The following UST variants were observed in gnomAD, a reference collection of about 807,000 sequenced individuals.
The protein encoded by UST is uronyl 2-sulfotransferase.
UST carries 21 observed loss-of-function variants against 45.6 expected under a neutral mutation model. That is an observed-to-expected ratio of 0.46 (90% CI 0.33 to 0.66). UST has a LOEUF of 0.66. Ranked by LOEUF, UST falls within the 30% of genes least tolerant of loss-of-function variation. UST has a pLI of 0.02. For synonymous variants in UST, 215 were observed against 200.6 expected, an observed-to-expected ratio of 1.07 and a Z score of -0.61; for missense variants, 463 against 512.4, an observed-to-expected ratio of 0.90 and a Z score of 0.93.
intron 1 of UST, among the ~76,000 whole-genome samples, chr6:148,799,589 A>G (rs1316379573): frequency 3.9e-5 from 6 of 152,060 alleles, no homozygotes. Context: ...AGAGTGTTCT[A>G]GTTTGCCTTT....
At chr6:148,947,624 C>T (rs1283611613) in intron 3 of UST, among the ~76,000 whole-genome samples, 1 of 152,212 alleles carries the variant, frequency 6.6e-6, no homozygotes, top group South Asian at 2.1e-4. Context: ...CCATGCGTCC[C>T]TGAAGATTTA....
In UST at chr6:148,767,827, C is replaced by T. The variant is rs143586295; in HGVS notation, c.247+20150C>T. Among the ~76,000 whole-genome samples, 865 of 152,242 alleles carry T rather than the reference C, an allele frequency of 5.7e-3. 10 individuals carry two copies. The highest frequency in any genetic ancestry group is 0.02 in the African/African-American group (828 of 41,550). The stretch of plus-strand genomic sequence containing the variant: ...CTCCACTCTGTAGTATCATAGATAT[C>T]GTTTCACATCTTTATATATTTTTTT... On this transcript the variant is annotated intron_variant, in intron 1 of 7. Transcript: ENST00000367463.
chr6:148,952,974 A>C (rs1780396393), intron 3 of UST, among the ~76,000 whole-genome samples: 1 of 152,228 alleles, frequency 6.6e-6, no homozygotes, highest in South Asian at 2.1e-4. Flanking sequence ...AGGCCATAAA[A>C]GTTAGTTTAT....
intron 1 of UST, among the ~76,000 whole-genome samples, chr6:148,832,733 T>C (rs1017523863): frequency 3.3e-5 from 5 of 152,192 alleles, no homozygotes; most frequent in African/African-American, 1.2e-4. Context: ...AATACCTTAT[T>C]AGAGTTGGGA....
chr6:149,060,317 C>T (rs1776636070), intron 7 of UST, among the ~76,000 whole-genome samples: 1 of 152,306 alleles, frequency 6.6e-6, no homozygotes, highest in East Asian at 1.9e-4. Flanking sequence ...TCTTTTCTCC[C>T]TTCATGGCCA....
chr6:148,748,937 A>C lies in UST; in HGVS notation c.247+1260A>C, dbSNP rs187335543. Among the ~76,000 whole-genome samples the C allele has an allele frequency of 8.9e-3, 1,344 of 151,296 alleles. 9 individuals are homozygous for C. Among genetic ancestry groups the C allele is most frequent in the African/African-American group, 0.031 (1,270 of 41,140 alleles). On this transcript the variant is annotated intron_variant, in intron 1 of 7. Coordinates refer to ENST00000367463, the MANE Select transcript of UST (RefSeq NM_005715.3). This position sits in a 1 kb window ranked among gnomAD's most constrained non-coding sequence, Gnocchi z 5.3. The stretch of plus-strand genomic sequence containing the variant: ...GAGAAAAGAAAAGGAAAAAAAAAAA[A>C]CCCAAAACAAACAAACAAAACAAAG...
At chr6:149,030,094 A>C (rs910320593) in intron 7 of UST, among the ~76,000 whole-genome samples, 3 of 152,162 alleles carry the variant, frequency 2.0e-5, no homozygotes, top group African/African-American at 7.2e-5. Flanking sequence ...AAATCCCCTG[A>C]AGTTGAGGAA....
intron 1 of UST, among the ~76,000 whole-genome samples, chr6:148,765,697 A>G (rs1449058815): frequency 1.9e-4 from 29 of 152,208 alleles, no homozygotes; most frequent in Admixed American, 1.5e-3. Context: ...AATCTTCACA[A>G]TTTATGTTCA....
In UST at chr6:148,921,677, A is replaced by G. The variant is rs1286423733; in HGVS notation, c.292-19602A>G. Among the ~76,000 whole-genome samples, 6 of 152,320 alleles carry G rather than the reference A, an allele frequency of 3.9e-5. No individual in the cohort carries two copies. The South Asian group carries it at 1.0e-3, about 26-fold the overall frequency. Reference sequence around the variant, plus strand: ...CTTTCTGCACTCCAGGTGAACAGCTATAGAGAAACTTCCTCTGAGCAGGAT... The same window carrying G: ...CTTTCTGCACTCCAGGTGAACAGCTGTAGAGAAACTTCCTCTGAGCAGGAT... On this transcript the variant is annotated intron_variant, in intron 2 of 7. Coordinates refer to ENST00000367463, the MANE Select transcript of UST (RefSeq NM_005715.3).
intron 5 of UST, among the ~76,000 whole-genome samples, chr6:149,009,545 C>T (rs1775769879): frequency 1.5e-5 from 2 of 133,620 alleles, no homozygotes; most frequent in Non-Finnish European, 3.2e-5. Flanking sequence ...AGCACACAAT[C>T]TTCTCTGATG....
At chr6:149,036,580 A>C (rs927887959) in intron 7 of UST, among the ~76,000 whole-genome samples, 1 of 152,224 alleles carries the variant, frequency 6.6e-6, no homozygotes, top group African/African-American at 2.4e-5. Flanking sequence ...TAACTACCTG[A>C]ACTTTAAGAT....
intron 2 of UST, among the ~76,000 whole-genome samples, chr6:148,938,949 A>G (rs1780071734): frequency 6.6e-6 from 1 of 152,070 alleles, no homozygotes; most frequent in Non-Finnish European, 1.5e-5. Flanking sequence ...CTGTTTGCAC[A>G]TAGCATGATC....
At chr6:148,958,142 G>A (rs188935272) in intron 4 of UST, among the ~76,000 whole-genome samples, 36 of 152,194 alleles carry the variant, frequency 2.4e-4, no homozygotes, top group African/African-American at 6.0e-4. Flanking sequence ...TGTACAATGC[G>A]ATCCCGTGAG....
In UST at chr6:148,747,566, C is replaced by T. The variant is rs1355798525; in HGVS notation, c.136C>T (p.Arg46Trp). Reference sequence around the variant, plus strand: ...GCTGCCTTTCCTGCGCTTCTCCCTCCGGGACTACGGCTTCTGCATGGCCAC... The same window carrying T: ...GCTGCCTTTCCTGCGCTTCTCCCTCTGGGACTACGGCTTCTGCATGGCCAC... Reference protein sequence around the residue: ...PLLPFLRFSLRDYGFCMATLL... With the variant: ...PLLPFLRFSLWDYGFCMATLL... The change falls in exon 1 of 8, where the codon CGG (arginine) becomes TGG (tryptophan). Residue 46 changes from arginine to tryptophan, a missense_variant. Coordinates refer to ENST00000367463, the MANE Select transcript of UST (RefSeq NM_005715.3). The T allele has an allele frequency of 6.3e-7, 1 of 1,582,102 alleles. No homozygotes were observed. Among genetic ancestry groups the T allele is most frequent in the Non-Finnish European group, 8.6e-7 (1 of 1,165,934 alleles).
chr6:148,836,316 C>T (rs570404837), intron 1 of UST, among the ~76,000 whole-genome samples: 3 of 152,262 alleles, frequency 2.0e-5, no homozygotes, highest in African/African-American at 7.2e-5. Context: ...GACTTGGCAG[C>T]GTTTCATCAT....
chr6:149,032,050 C>G (rs913101799), intron 7 of UST, among the ~76,000 whole-genome samples: 18 of 152,216 alleles, frequency 1.2e-4, no homozygotes, highest in African/African-American at 4.3e-4. Context: ...GCGGACCCAG[C>G]CTCTTGGAGC....
chr6:148,786,717 G>A (rs9377158), intron 1 of UST, among the ~76,000 whole-genome samples: 121,033 of 152,158 alleles, frequency 0.8, 48,201 homozygotes, highest in Middle Eastern at 0.88. Flanking sequence ...ATGTCTGTTT[G>A]TAATAGAACT....
At chr6:148,919,193 G>A (rs555400706) in intron 2 of UST, among the ~76,000 whole-genome samples, 16 of 152,268 alleles carry the variant, frequency 1.1e-4, no homozygotes, top group African/African-American at 3.9e-4. Context: ...ACCATGGGGT[G>A]CACCTCCACC....
At chr6:148,791,942 T>C (rs17084964) in intron 1 of UST, among the ~76,000 whole-genome samples, 20,426 of 152,148 alleles carry the variant, frequency 0.13, 1,546 homozygotes, top group African/African-American at 0.19. Context: ...ACACTTACTT[T>C]AGGAAACTCA....
Sources: allele counts gnomAD v4.1 joint callset (sites outside exome capture counted in the v4.1 genomes callset), GRCh38; gene constraint gnomAD v4.1.1; non-coding constraint Gnocchi (gnomAD v3.1); transcripts MANE v1.5; gene names NCBI Gene and HGNC (gene_info 2026-07-23, HGNC 2026-07-21).